ANAPC16: variants seen among roughly 807,000 people sequenced by gnomAD.
The protein encoded by ANAPC16 is anaphase promoting complex subunit 16, also known as anaphase-promoting complex subunit 16.
ANAPC16 carries 6 observed loss-of-function variants against 13.1 expected under a neutral mutation model. The ratio of observed to expected loss-of-function variants is 0.46; its 90% confidence interval spans 0.25 to 0.90. ANAPC16 has a LOEUF of 0.90. ANAPC16 is among the 40% of genes least tolerant of loss of function. The pLI, the probability that ANAPC16 is intolerant of heterozygous loss-of-function variation, is 0.18. For synonymous variants in ANAPC16, 55 were observed against 51.3 expected, an observed-to-expected ratio of 1.07 and a Z score of -0.31; for missense variants, 113 against 131.1, an observed-to-expected ratio of 0.86 and a Z score of 0.67.
chr10:72,221,012 GTT>G (rs1340506403), intron 1 of ANAPC16, among the ~76,000 whole-genome samples: 1 of 152,136 alleles, frequency 6.6e-6, no homozygotes, highest in Non-Finnish European at 1.5e-5. Context: ...CACCTCCCGA[GTT>G]CAAGCTATTC....
intron 2 of ANAPC16, among the ~76,000 whole-genome samples, chr10:72,225,033 T>C (rs932186182): frequency 3.9e-5 from 6 of 152,108 alleles, no homozygotes; most frequent in African/African-American, 1.2e-4. Context: ...CCTGTAATTC[T>C]AGCACTTTGG....
chr10:72,222,876 T>G (rs1859994048), intron 1 of ANAPC16, among the ~76,000 whole-genome samples: 1 of 152,244 alleles, frequency 6.6e-6, no homozygotes, highest in Admixed American at 6.5e-5. Flanking sequence ...GGTTTTGTTT[T>G]GAACTTTTGT....
At chr10:72,217,522 C>T (rs1859566957) in intron 1 of ANAPC16, among the ~76,000 whole-genome samples, 1 of 151,448 alleles carries the variant, frequency 6.6e-6, no homozygotes, top group Non-Finnish European at 1.5e-5. Flanking sequence ...AAGGCACTGG[C>T]CCTCCTCCTG....
intron 1 of ANAPC16, chr10:72,216,965 T>A (rs1447532784): frequency 2.2e-6 from 1 of 455,992 alleles, no homozygotes; most frequent in African/African-American, 2.0e-5. Flanking sequence ...AAATCCATAA[T>A]GATCCAATAC....
intron 1 of ANAPC16, among the ~76,000 whole-genome samples, chr10:72,218,145 C>CAA (rs142932037): frequency 2.3e-4 from 8 of 34,878 alleles, no homozygotes; most frequent in East Asian, 1.4e-3. Context: ...AACTCTGTCT[C>CAA]AAAAAAAAAA....
rs757034252 is a variant in ANAPC16 at position 72,233,265 on chromosome 10, G to A, written c.*149G>A. 43 of 593,608 alleles carry A rather than the reference G, an allele frequency of 7.2e-5. No individual in the cohort carries two copies. Among genetic ancestry groups the A allele is most frequent in the Non-Finnish European group, 1.1e-4 (38 of 332,050 alleles). The allele number at this position is 593,608 out of a possible 1,614,324, so 36.8% of individuals were successfully genotyped here. On this transcript the variant is annotated 3_prime_UTR_variant, in exon 4 of 4. Coordinates refer to ENST00000299381, the MANE Select transcript of ANAPC16 (RefSeq NM_173473.4). ...CTTGGTTTCTCTGTATCTATTCACA[G>A]GCAACAAATACTTATATGTGTGATC...
In ANAPC16 at chr10:72,234,686, A is replaced by C. The variant is rs1358968054; in HGVS notation, c.*1570A>C. On this transcript the variant is annotated 3_prime_UTR_variant, in exon 4 of 4. Transcript: ENST00000299381. ...TTTAGCCTTAATCTCAAGAGTTCAA[A>C]ATGTTTAACACATTCTACCTGACGG... 1 of 152,150 alleles carries C rather than the reference A, an allele frequency of 6.6e-6. No homozygotes were observed. Among genetic ancestry groups the C allele is most frequent in the Non-Finnish European group, 1.5e-5 (1 of 68,022 alleles). The allele number at this position is 152,150 out of a possible 1,614,324, so 9.4% of individuals were successfully genotyped here.
chr10:72,218,532 A>G (rs1458341461), intron 1 of ANAPC16, among the ~76,000 whole-genome samples: 1 of 152,082 alleles, frequency 6.6e-6, no homozygotes, highest in Non-Finnish European at 1.5e-5. Flanking sequence ...TTTCATATAT[A>G]AAATGGGGAA....
intron 1 of ANAPC16, chr10:72,220,266 T>G (rs1859855993): frequency 6.8e-6 from 1 of 147,120 alleles, no homozygotes; most frequent in South Asian, 2.1e-4. Context: ...GAGGCAGAGG[T>G]TGCTGTGAGC....
intron 3 of ANAPC16, among the ~76,000 whole-genome samples, chr10:72,232,106 G>C (rs1860328813): frequency 6.9e-6 from 1 of 143,948 alleles, no homozygotes; most frequent in African/African-American, 2.6e-5. Context: ...GAATCGCTTG[G>C]ACCCAGGAGA....
chr10:72,217,910 G>A (rs974141430), intron 1 of ANAPC16, among the ~76,000 whole-genome samples: 1 of 151,572 alleles, frequency 6.6e-6, no homozygotes, highest in Non-Finnish European at 1.5e-5. Flanking sequence ...TTTCGGATTT[G>A]AGAGGCTTAA....
intron 3 of ANAPC16, 68 bp downstream of exon 3, chr10:72,230,508 C>A: frequency 2.3e-6 from 3 of 1,304,292 alleles, no homozygotes; most frequent in Non-Finnish European, 2.2e-6. Context: ...GAGGCTGTGA[C>A]AAAAATCCCC....
intron 2 of ANAPC16, among the ~76,000 whole-genome samples, chr10:72,225,225 G>A (rs1380731996): frequency 6.6e-6 from 1 of 152,072 alleles, no homozygotes; most frequent in African/African-American, 2.4e-5. Flanking sequence ...AGAGGTTTTA[G>A]TGAGCCAATA....
At chr10:72,227,890 A>G (rs897383725) in intron 2 of ANAPC16, among the ~76,000 whole-genome samples, 3 of 151,526 alleles carry the variant, frequency 2.0e-5, no homozygotes, top group Non-Finnish European at 4.4e-5. Flanking sequence ...AAAAAAAAAA[A>G]AAAGGCATCG....
At chr10:72,217,938 A>C (rs3206257) in intron 1 of ANAPC16, among the ~76,000 whole-genome samples, 1 of 150,918 alleles carries the variant, frequency 6.6e-6, no homozygotes, top group Non-Finnish European at 1.5e-5. Flanking sequence ...GTATAATGCA[A>C]ATATCCCAAA....
At chr10:72,227,550 TAG>T (rs1860160235) in intron 2 of ANAPC16, among the ~76,000 whole-genome samples, 1 of 152,068 alleles carries the variant, frequency 6.6e-6, no homozygotes, top group Admixed American at 6.6e-5. Context: ...AAAAATAATG[TAG>T]AGATGGCAAC....
At chr10:72,229,019 T>C (rs746419498) in intron 2 of ANAPC16, among the ~76,000 whole-genome samples, 31 of 151,606 alleles carry the variant, frequency 2.0e-4, no homozygotes, top group Non-Finnish European at 3.8e-4. Context: ...GGAGGTAAAC[T>C]CTAATTGTCT....
intron 1 of ANAPC16, among the ~76,000 whole-genome samples, chr10:72,221,082 C>A (rs1183144227): frequency 6.6e-6 from 1 of 151,896 alleles, no homozygotes; most frequent in African/African-American, 2.4e-5. Context: ...ACGCCCAGCT[C>A]ATTTTTGTAT....
intron 3 of ANAPC16, among the ~76,000 whole-genome samples, chr10:72,231,620 G>A (rs562420353): frequency 1.8e-4 from 27 of 152,148 alleles, no homozygotes; most frequent in Non-Finnish European, 3.5e-4. Flanking sequence ...GCAATGGCAT[G>A]ATCGCGGCTC....
Sources: allele counts gnomAD v4.1 joint callset (sites outside exome capture counted in the v4.1 genomes callset), GRCh38; gene constraint gnomAD v4.1.1; transcripts MANE v1.5; gene names NCBI Gene and HGNC (gene_info 2026-07-23, HGNC 2026-07-21).